CEP350: variants seen among roughly 807,000 people sequenced by gnomAD.
The protein encoded by CEP350 is centrosome-associated protein 350.
Under a neutral mutation model 331.8 loss-of-function variants are expected in CEP350, and 126 were observed. The observed-to-expected ratio is 0.38, with a 90% CI of 0.33 to 0.44. The LOEUF (loss-of-function observed/expected upper bound fraction) is 0.44, where lower values mean the gene tolerates loss of function less well. CEP350 is among the 20% of genes least tolerant of loss of function. CEP350 has a pLI of 1.00. For missense variants in CEP350, 3,406 were observed against 3,634.6 expected (o/e 0.94, Z 1.62); for synonymous variants, 1,200 against 1,259.5 (o/e 0.95, Z 1.00).
At chr1:180,033,827 C>T (rs1175418972) in intron 15 of CEP350, 35 bp from the exon 16 acceptor site, 3 of 1,587,520 alleles carry the variant, frequency 1.9e-6, no homozygotes, top group South Asian at 1.1e-5. Flanking sequence ...AGTACTTTTC[C>T]TTCCTCTAAT....
At chr1:180,098,463 C>CCT (rs779720373) in intron 36 of CEP350, among the ~76,000 whole-genome samples, 3 of 152,062 alleles carry the variant, frequency 2.0e-5, no homozygotes, top group Non-Finnish European at 4.4e-5. Flanking sequence ...ACCTCACCCT[C>CCT]CTGAGTAGCC....
chr1:180,055,746 C>G (rs1324915620), intron 25 of CEP350, among the ~76,000 whole-genome samples: 1 of 151,870 alleles, frequency 6.6e-6, no homozygotes, highest in African/African-American at 2.4e-5. Flanking sequence ...CGGGATTTCA[C>G]CATGTCAGCC....
At chr1:180,089,931 T>A (rs925640675) in intron 32 of CEP350, among the ~76,000 whole-genome samples, 1 of 152,168 alleles carries the variant, frequency 6.6e-6, no homozygotes, top group Non-Finnish European at 1.5e-5. Flanking sequence ...TTTAGGGCAT[T>A]GTAAAAAGGT....
Position 180,093,412 on chromosome 1 carries a change from G to A in CEP350, c.7307G>A (p.Ser2436Asn). Residue 2436 changes from serine (S) to asparagine (N), a missense_variant, in exon 34 of 38, where the codon AGT becomes AAT. Physicochemically the swap from Ser to Asn is conservative, Grantham distance 46. This residue lies in a region of CEP350 where 1,415 missense variants were observed against 1,512.3 expected (regional missense o/e 0.94). Transcript: ENST00000367607. ...AGCTTTGGTAGTAATGAGGAAATCA[G>A]TGAGTGCCTAAGTGAGAAAAGCCTT... ...ATSFGSNEEI[S>N]ECLSEKSLSI... 3 of 1,598,590 alleles carry A rather than the reference G, an allele frequency of 1.9e-6. No individual in the cohort carries two copies. Among genetic ancestry groups the A allele is most frequent in the South Asian group, 2.3e-5 (2 of 88,440 alleles).
At position 179,963,804 on chromosome 1, in the gene CEP350, A is replaced by G. The variant is rs61009228; in HGVS notation, c.-14+8662A>G. 3.3e-3 allele frequency among the ~76,000 whole-genome samples: 507 copies of G among 151,846 alleles called. 3 individuals are homozygous for G. Among genetic ancestry groups the G allele is most frequent in the African/African-American group, 0.011 (455 of 41,466 alleles). On this transcript the variant is annotated intron_variant, in intron 1 of 37. Coordinates refer to ENST00000367607, the MANE Select transcript of CEP350 (RefSeq NM_014810.5). ...CCTGCTGTGTTCTTTTTGCTTGGCT[A>G]TTCAGGCTCTTTTTTGGTTCCATAT...
In CEP350 at chr1:180,036,926, G is replaced by A. The variant is rs760092733; in HGVS notation, c.3947G>A (p.Gly1316Asp). ...TTTENMAPIP[G>D]SKRFSPAGLH... is the part of the protein sequence containing the mutation. ...ATTTGACCATTGTCATGCCTTCCAG[G>A]TTCTAAGCGCTTTTCTCCTGCTGGC... The change falls in exon 17 of 38, where the codon GGT becomes GAT. Residue 1316 changes from glycine to aspartate, a missense_variant and splice_region_variant. Coordinates refer to ENST00000367607, the MANE Select transcript of CEP350 (RefSeq NM_014810.5). 1 of 1,554,250 alleles carries A rather than the reference G, an allele frequency of 6.4e-7. No individual in the cohort carries two copies. Among genetic ancestry groups the A allele is most frequent in the African/African-American group, 1.4e-5 (1 of 72,694 alleles).
chr1:180,061,147 A>C (rs1211035322), intron 25 of CEP350, among the ~76,000 whole-genome samples: 2 of 152,140 alleles, frequency 1.3e-5, no homozygotes, highest in Non-Finnish European at 2.9e-5. Context: ...TATAACTAAC[A>C]AATTTTAATG....
chr1:179,974,270 C>T (rs965362887), intron 1 of CEP350, among the ~76,000 whole-genome samples: 17 of 152,074 alleles, frequency 1.1e-4, no homozygotes, highest in Non-Finnish European at 1.5e-5. Context: ...TTAGTAGAGA[C>T]AGAGTTTCAC....
intron 21 of CEP350, 53 bp downstream of exon 21, chr1:180,044,226 GGCTTAAACATT>G: frequency 7.0e-7 from 1 of 1,436,000 alleles, no homozygotes; most frequent in Non-Finnish European, 9.2e-7. Context: ...TGTGATAAAT[GGCTTAAACATT>G]GCTTTCTTTG....
rs1395107563 is a variant in CEP350, at chr1:180,034,040, G to A, written c.3904G>A (p.Ala1302Thr). The A allele has an allele frequency of 6.2e-7, 1 of 1,613,778 alleles. No individual in the cohort carries two copies. The highest frequency in any genetic ancestry group is 2.2e-5 in the East Asian group (1 of 44,870). ...PNAPLTDLNPAASRTTTENMA... is the reference protein window; with the variant it reads ...PNAPLTDLNPTASRTTTENMA... ...TGCACCTCTCACTGATCTGAACCCG[G>A]CAGCCAGCAGAACAACGACAGAGAA... is the stretch of plus-strand genomic sequence containing the variant. Residue 1302 changes from alanine to threonine, a missense_variant, in exon 16 of 38, where the codon GCA becomes ACA. Around this residue, in one of 5 missense-constraint regions of CEP350, gnomAD observed 1,857 missense variants for 1,909.2 expected, o/e 0.97. Transcript: ENST00000367607.
intron 1 of CEP350, among the ~76,000 whole-genome samples, chr1:179,955,411 C>T (rs1650098542): frequency 6.6e-6 from 1 of 152,194 alleles, no homozygotes; most frequent in Non-Finnish European, 1.5e-5. Context: ...CTCCTCTAGC[C>T]TGCAGAGGTA....
chr1:179,957,117 AGT>A (rs1650227628), intron 1 of CEP350, among the ~76,000 whole-genome samples: 1 of 152,074 alleles, frequency 6.6e-6, no homozygotes, highest in Admixed American at 6.6e-5. Flanking sequence ...AGATTATTAA[AGT>A]GTAGTTCATT....
chr1:180,033,748 A>G, intron 15 of CEP350, 114 bp from the exon 16 acceptor site: 4 of 1,073,656 alleles, frequency 3.7e-6, no homozygotes, highest in Non-Finnish European at 5.3e-6. Flanking sequence ...CCTAAATCAC[A>G]ACTTTTTAAA....
At chr1:179,968,697 G>A (rs554438367) in intron 1 of CEP350, 2 of 547,996 alleles carry the variant, frequency 3.6e-6, no homozygotes, top group Non-Finnish European at 7.1e-6. Context: ...ATGTCCTTAA[G>A]TTCCTTGCAG....
intron 10 of CEP350, among the ~76,000 whole-genome samples, chr1:180,014,854 T>C (rs570316624): frequency 1.3e-5 from 2 of 152,334 alleles, no homozygotes; most frequent in East Asian, 1.9e-4. Context: ...AATCCACATA[T>C]AACTTTTGAT....
At chr1:180,064,533 T>C (rs556093692) in intron 26 of CEP350, among the ~76,000 whole-genome samples, 1 of 152,294 alleles carries the variant, frequency 6.6e-6, no homozygotes, top group Admixed American at 6.5e-5. Context: ...GGGGAAAACA[T>C]ACTAAGCAAT....
At chr1:180,029,372 A>G (rs1655867051) in intron 14 of CEP350, among the ~76,000 whole-genome samples, 1 of 152,232 alleles carries the variant, frequency 6.6e-6, no homozygotes, top group Non-Finnish European at 1.5e-5. Context: ...CGTTCTTACT[A>G]TGAAAGCAGT....
rs1209730194 is a variant in CEP350 at position 180,075,210 on chromosome 1, C to T, written c.5756C>T (p.Thr1919Ile). The T allele has an allele frequency of 6.2e-6, 10 of 1,610,572 alleles. No individual in the cohort carries two copies. The highest frequency in any genetic ancestry group is 8.5e-6 in the Non-Finnish European group (10 of 1,178,246). The change falls in exon 28 of 38, where the codon ACA becomes ATA. Residue 1919 changes from threonine to isoleucine, a missense_variant. Physicochemically the swap from Thr to Ile is moderately conservative, Grantham distance 89. Around this residue, in one of 5 missense-constraint regions of CEP350, gnomAD observed 1,415 missense variants for 1,512.3 expected, o/e 0.94. Transcript: ENST00000367607. Reference protein sequence around the residue: ...TPKKELEDQRTEQKEIASEEE... With the variant: ...TPKKELEDQRIEQKEIASEEE... ...AAGAAAGAACTGGAGGACCAGAGAA[C>T]AGAACAGAAAGGTAATAAATACTAA...
intron 1 of CEP350, among the ~76,000 whole-genome samples, chr1:179,971,565 A>G (rs1176179430): frequency 1.3e-5 from 2 of 152,236 alleles, no homozygotes; most frequent in East Asian, 3.9e-4. Context: ...GACTCAAGCA[A>G]TCTTCCTATC....
Sources: allele counts gnomAD v4.1 joint callset (sites outside exome capture counted in the v4.1 genomes callset), GRCh38; gene constraint gnomAD v4.1.1; regional missense constraint gnomAD v4.1.1; transcripts MANE v1.5; gene names NCBI Gene and HGNC (gene_info 2026-07-23, HGNC 2026-07-21).